The following HEY1 variants were observed in gnomAD, a reference collection of about 807,000 sequenced individuals.
HEY1 encodes hairy/enhancer-of-split related with YRPW motif protein 1.
Under a neutral mutation model 28.7 loss-of-function variants are expected in HEY1, and 9 were observed. The ratio of observed to expected loss-of-function variants is 0.31; its 90% CI spans 0.19 to 0.55. The LOEUF (loss-of-function observed/expected upper bound fraction) is 0.55, where lower values mean the gene tolerates loss of function less well. HEY1 is among the 20% of genes least tolerant of loss of function. HEY1 has a pLI of 0.93. For missense variants in HEY1, 385 were observed against 399.4 expected (o/e 0.96, Z 0.31); for synonymous variants, 213 against 175.6 (o/e 1.21, Z -1.68).
At chr8:79,767,503 C>T (rs558574353) in intron 1 of HEY1, 72 bp downstream of exon 1, 201 of 1,446,320 alleles carry the variant, frequency 1.4e-4, no homozygotes, top group Non-Finnish European at 1.2e-4. Flanking sequence ...GGGTCCTAGC[C>T]CGCTGTCACC....
chr8:79,765,559 T>G lies in HEY1; in HGVS notation c.544A>C (p.Thr182Pro). 6.2e-7 allele frequency: 1 copy of G among 1,613,958 alleles called. No individual in the cohort carries two copies. Among genetic ancestry groups the G allele is most frequent in the South Asian group, 1.1e-5 (1 of 91,066 alleles). ...HAGLGHIPWG[T>P]VFGHHPHIAH... ...ATGTGCGGGTGATGTCCGAAGACGG[T>G]CCCCCAGGGAATGTGTCCGAGGCCC... Residue 182 changes from threonine (T) to proline (P), a missense_variant, in exon 5 of 5, where the codon ACC becomes CCC. Transcript: ENST00000354724.
In HEY1 at chr8:79,765,652, G is replaced by C; in HGVS notation, c.451C>G (p.Arg151Gly). The change falls in exon 5 of 5, where the codon CGA (arginine) becomes GGA (glycine). Residue 151 changes from arginine (R) to glycine (G), a missense_variant. Physicochemically the swap from Arg to Gly is moderately radical, Grantham distance 125. This residue lies in a region of HEY1 where 223 missense variants were observed against 215.9 expected (regional missense o/e 1.03). Coordinates refer to ENST00000354724, the MANE Select transcript of HEY1 (RefSeq NM_012258.4). ...TTGAGATGCGAAACCAGTCGAACTC[G>C]AAGCGGGTCAGAGGCATCTAGTCCT... ...IEGLDASDPL[R>G]VRLVSHLNNY... 2.5e-6 allele frequency: 4 copies of C among 1,614,258 alleles called. No homozygotes were observed. The highest frequency in any genetic ancestry group is 3.4e-6 in the Non-Finnish European group (4 of 1,180,044).
In HEY1 at chr8:79,764,792, C is replaced by T. The variant is rs115442816; in HGVS notation, c.*396G>A. 1,531 of 226,622 alleles carry T rather than the reference C, an allele frequency of 6.8e-3. 26 individuals are homozygous for T. The highest frequency in any genetic ancestry group is 0.03 in the African/African-American group (1,372 of 45,036). 14.0% of individuals were successfully genotyped at this position (226,622 alleles called of 1,614,324 possible). A position where few individuals can be genotyped will look rare whatever the true frequency, so the allele number is the denominator to read the frequency against. ...TGGTTTGGAAAATTAATTCTAAAAA[C>T]AGACCATAACTATACAAGGAGAAAA... On this transcript the variant is annotated 3_prime_UTR_variant, in exon 5 of 5. Transcript: ENST00000354724.
chr8:79,765,559 T>TCC lies in HEY1; in HGVS notation c.542_543dup (p.Thr182GlyfsTer99). On this transcript the variant is annotated frameshift_variant, in exon 5 of 5. Coordinates refer to ENST00000354724, the MANE Select transcript of HEY1 (RefSeq NM_012258.4). LOFTEE classifies it high-confidence loss of function. ...ATGTGCGGGTGATGTCCGAAGACGG[T>TCC]CCCCCAGGGAATGTGTCCGAGGCCC... 1 of 1,613,958 alleles carries TCC rather than the reference T, an allele frequency of 6.2e-7. No homozygotes were observed. Among genetic ancestry groups the TCC allele is most frequent in the Non-Finnish European group, 8.5e-7 (1 of 1,180,004 alleles).
chr8:79,766,132 A>T, intron 4 of HEY1: 1 of 1,121,686 alleles, frequency 8.9e-7, no homozygotes, highest in Non-Finnish European at 1.3e-6. Flanking sequence ...GATGTAAGTT[A>T]TCATCGCGGA....
At position 79,764,605 on chromosome 8, in the gene HEY1, T is replaced by C. The variant is rs1022938544; in HGVS notation, c.*583A>G. The C allele has an allele frequency of 2.2e-5, 5 of 224,618 alleles. No homozygotes were observed. The East Asian group carries it at 3.2e-4, about 15-fold the overall frequency. The allele number at this position is 224,618 out of a possible 1,614,324, so 13.9% of individuals were successfully genotyped here. ...CTGCTATAGGAGGCAGACAATTTAC[T>C]AGTCTTCTTTCTTGGATAAAGCTGA... On this transcript the variant is annotated 3_prime_UTR_variant, in exon 5 of 5. Coordinates refer to ENST00000354724, the MANE Select transcript of HEY1 (RefSeq NM_012258.4).
intron 4 of HEY1, chr8:79,766,125 G>A (rs147934702): frequency 1.9e-6 from 2 of 1,070,072 alleles, no homozygotes. Flanking sequence ...ACACACAGAT[G>A]TAAGTTATCA....
In HEY1 at chr8:79,767,036, C is replaced by A. The variant is rs1807860570; in HGVS notation, c.222G>T (p.Arg74Ser). ...RINNSLSELR[R>S]LVPSAFEKQG... The stretch of plus-strand genomic sequence containing the variant: ...GCTTCTCAAAAGCACTGGGTACCAG[C>A]CTTCTCAGCTCAGACAAACTGTTAT... The change falls in exon 3 of 5, where the codon AGG becomes AGT. Residue 74 changes from arginine (R) to serine (S), a missense_variant. Physicochemically the swap from Arg to Ser is moderately radical, Grantham distance 110. Coordinates refer to ENST00000354724, the MANE Select transcript of HEY1 (RefSeq NM_012258.4). 6.2e-7 allele frequency: 1 copy of A among 1,613,992 alleles called. No individual in the cohort carries two copies. The highest frequency in any genetic ancestry group is 8.5e-7 in the Non-Finnish European group (1 of 1,180,014).
At position 79,764,086 on chromosome 8, in the gene HEY1, TTAAC is replaced by T. The variant is rs1389174775; in HGVS notation, c.*1098_*1101del. On this transcript the variant is annotated 3_prime_UTR_variant, in exon 5 of 5. Coordinates refer to ENST00000354724, the MANE Select transcript of HEY1 (RefSeq NM_012258.4). ...TCAAACCCAGTTCAGTGGAGGTCGT[TTAAC>T]TACACCTGCTAAAAGAATAAACCTG... The T allele has an allele frequency of 1.6e-4, 31 of 188,150 alleles. No homozygotes were observed. Among genetic ancestry groups the T allele is most frequent in the Non-Finnish European group, 2.9e-4 (26 of 89,510 alleles). The allele number at this position is 188,150 out of a possible 1,614,324, so 11.7% of individuals were successfully genotyped here. A position where few individuals can be genotyped will look rare whatever the true frequency, so the allele number is the denominator to read the frequency against.
chr8:79,765,665 G>A lies in HEY1; in HGVS notation c.438C>T (p.Ala146=). ...CCAGTCGAACTCGAAGCGGGTCAGA[G>A]GCATCTAGTCCTTCAATGATGCTCA... is the stretch of plus-strand genomic sequence containing the variant. ...RYLSIIEGLD[A]SDPLRVRLVS... Residue 146 remains alanine, a synonymous_variant, in exon 5 of 5, where the codon GCC becomes GCT. Transcript: ENST00000354724. 6.2e-7 allele frequency: 1 copy of A among 1,614,268 alleles called. No individual in the cohort carries two copies. Among genetic ancestry groups the A allele is most frequent in the Non-Finnish European group, 8.5e-7 (1 of 1,180,036 alleles).
At position 79,766,661 on chromosome 8, in the gene HEY1, T is replaced by C; in HGVS notation, c.321A>G (p.Ala107=). 6.2e-7 allele frequency: 1 copy of C among 1,614,228 alleles called. No homozygotes were observed. Among genetic ancestry groups the C allele is most frequent in the Non-Finnish European group, 8.5e-7 (1 of 1,180,052 alleles). ...GTCTAGGAGATGTACCTTTCCCTCC[T>C]GCCGTATGCAGCATTTTCAGGTGAT... The part of the protein sequence containing the change: ...TVDHLKMLHT[A]GGKGYFDAHA... The change falls in exon 4 of 5, where the codon GCA becomes GCG. Residue 107 remains alanine, a synonymous_variant. Coordinates refer to ENST00000354724, the MANE Select transcript of HEY1 (RefSeq NM_012258.4).
In HEY1 at chr8:79,765,684, A is replaced by G; in HGVS notation, c.419T>C (p.Ile140Thr). ...CLAEVARYLS[I>T]IEGLDASDPL... ...GTCAGAGGCATCTAGTCCTTCAATG[A>G]TGCTCAGATAACGCGCAACTTCTGC... is the stretch of plus-strand genomic sequence containing the variant. Residue 140 changes from isoleucine (I) to threonine (T), a missense_variant, in exon 5 of 5, where the codon ATC becomes ACC. Physicochemically the swap from Ile to Thr is moderately conservative, Grantham distance 89 (BLOSUM62 -1). This residue lies in a region of HEY1 where 83 missense variants were observed against 122.7 expected (regional missense o/e 0.68). Coordinates refer to ENST00000354724, the MANE Select transcript of HEY1 (RefSeq NM_012258.4). 1 of 1,614,232 alleles carries G rather than the reference A, an allele frequency of 6.2e-7. No individual in the cohort carries two copies. The highest frequency in any genetic ancestry group is 8.5e-7 in the Non-Finnish European group (1 of 1,180,032).
rs907363690 is a variant in HEY1, at chr8:79,765,388, G to C, written c.715C>G (p.Pro239Ala). 3.1e-6 allele frequency: 5 copies of C among 1,601,402 alleles called. No homozygotes were observed. Among genetic ancestry groups the C allele is most frequent in the Non-Finnish European group, 4.3e-6 (5 of 1,174,092 alleles). The change falls in exon 5 of 5, where the codon CCG (proline) becomes GCG (alanine). Residue 239 changes from proline (P) to alanine (A), a missense_variant. Coordinates refer to ENST00000354724, the MANE Select transcript of HEY1 (RefSeq NM_012258.4). The part of the protein sequence containing the change: ...LRAPPSGSLG[P>A]VLPVVTSASK... ...GCGGAGGTGACCACAGGGAGCACCGGTCCGAGGCTGCCGCTAGGGGGCGCT... is the reference window on the plus strand; with the variant it reads ...GCGGAGGTGACCACAGGGAGCACCGCTCCGAGGCTGCCGCTAGGGGGCGCT...
chr8:79,767,336 TAAAC>T, intron 1 of HEY1, 42 bp from the exon 2 acceptor site: 1 of 1,552,816 alleles, frequency 6.4e-7, no homozygotes, highest in Non-Finnish European at 8.9e-7. Context: ...AAATCGCCGT[TAAAC>T]GAGGAGAGGT....
In HEY1 at chr8:79,765,172, A is replaced by G; in HGVS notation, c.*16T>C. The G allele has an allele frequency of 2.6e-6, 4 of 1,512,450 alleles. No individual in the cohort carries two copies. The highest frequency in any genetic ancestry group is 3.6e-6 in the Non-Finnish European group (4 of 1,122,416). The allele number at this position is 1,512,450 out of a possible 1,614,324, so 93.7% of individuals were successfully genotyped here. ...GGGATTTTAAACTTTCCCCTCCCTCATTCTACATCAGTTCTTTAAAAAGCT... is the reference window on the plus strand; with the variant it reads ...GGGATTTTAAACTTTCCCCTCCCTCGTTCTACATCAGTTCTTTAAAAAGCT... On this transcript the variant is annotated 3_prime_UTR_variant, in exon 5 of 5. Transcript: ENST00000354724.
chr8:79,766,186 G>C (rs900439504), intron 4 of HEY1: 1 of 1,521,038 alleles, frequency 6.6e-7, no homozygotes, highest in African/African-American at 1.4e-5. Flanking sequence ...TCCTGCTGGA[G>C]AGACATACAC....
At chr8:79,766,545 C>T in intron 4 of HEY1, 106 bp downstream of exon 4, 1 of 1,560,878 alleles carries the variant, frequency 6.4e-7, no homozygotes, top group Non-Finnish European at 8.6e-7. Flanking sequence ...CGTTCTCTCC[C>T]CACCCCCAAA....
At chr8:79,766,257 G>A in intron 4 of HEY1, 2 of 1,530,336 alleles carry the variant, frequency 1.3e-6, no homozygotes, top group African/African-American at 1.4e-5. Flanking sequence ...CTTTCCTCAA[G>A]AGGCATGTGG....
intron 1 of HEY1, 41 bp downstream of exon 1, chr8:79,767,534 T>G (rs773598949): frequency 6.4e-7 from 1 of 1,564,570 alleles, no homozygotes. Flanking sequence ...TGCGCTCGCC[T>G]CCCGCTCTGG....
Sources: allele counts gnomAD v4.1 joint callset, GRCh38; gene constraint gnomAD v4.1.1; regional missense constraint gnomAD v4.1.1; transcripts MANE v1.5; gene names NCBI Gene and HGNC (gene_info 2026-07-23, HGNC 2026-07-21).